EDNRA: variants seen among roughly 807,000 people sequenced by gnomAD.
The protein encoded by EDNRA is endothelin-1 receptor.
Under a neutral mutation model 41.4 loss-of-function variants are expected in EDNRA, and 11 were observed. The ratio of observed to expected loss-of-function variants is 0.27; its 90% CI spans 0.17 to 0.44. The LOEUF (loss-of-function observed/expected upper bound fraction) is 0.44. Among genes scored for constraint, EDNRA ranks in the 20% least tolerant of loss-of-function variants. The pLI is 1.00. For missense variants in EDNRA, 294 were observed against 531.0 expected (o/e 0.55, Z 4.39); for synonymous variants, 172 against 183.0 (o/e 0.94, Z 0.49).
intron 3 of EDNRA, among the ~76,000 whole-genome samples, chr4:147,527,473 T>C (rs967543060): frequency 2.0e-5 from 3 of 152,158 alleles, no homozygotes; most frequent in African/African-American, 7.2e-5. Context: ...AAATTGTGAG[T>C]CATATGATTA....
At chr4:147,528,339 T>G (rs1227241775) in intron 3 of EDNRA, among the ~76,000 whole-genome samples, 2 of 151,448 alleles carry the variant, frequency 1.3e-5, no homozygotes, top group Non-Finnish European at 2.9e-5. Context: ...TTTTTTCACT[T>G]TTTTCTTTTC....
chr4:147,509,148 G>A (rs893914095), intron 2 of EDNRA, among the ~76,000 whole-genome samples: 1 of 152,128 alleles, frequency 6.6e-6, no homozygotes, highest in Non-Finnish European at 1.5e-5. Context: ...TTCATGGCTA[G>A]TATGCAGAAA....
At chr4:147,533,367 T>G (rs1457103313) in intron 4 of EDNRA, among the ~76,000 whole-genome samples, 1 of 152,226 alleles carries the variant, frequency 6.6e-6, no homozygotes, top group Admixed American at 6.5e-5. Context: ...GGAAACCTAT[T>G]TAAAATGCAT....
At chr4:147,518,723 A>G (rs1730205838) in intron 2 of EDNRA, among the ~76,000 whole-genome samples, 1 of 152,160 alleles carries the variant, frequency 6.6e-6, no homozygotes. Context: ...AGCTTAGCTT[A>G]GAGTTACTAT....
At chr4:147,493,267 G>C (rs1183658037) in intron 2 of EDNRA, 1 of 152,072 alleles carries the variant, frequency 6.6e-6, no homozygotes, top group African/African-American at 2.4e-5. Flanking sequence ...GTATGCGTGT[G>C]TGTGCTTGTG....
At chr4:147,524,256 C>T (rs1318982140) in intron 3 of EDNRA, among the ~76,000 whole-genome samples, 1 of 152,028 alleles carries the variant, frequency 6.6e-6, no homozygotes, top group Non-Finnish European at 1.5e-5. Flanking sequence ...TCTGCCTCCT[C>T]TTTCTTCCTT....
At chr4:147,506,035 T>C in intron 2 of EDNRA, 1 of 434,230 alleles carries the variant, frequency 2.3e-6, no homozygotes, top group Non-Finnish European at 4.5e-6. Context: ...GTGAAAATTT[T>C]GTTCATGCAA....
At chr4:147,527,381 G>C (rs973292363) in intron 3 of EDNRA, among the ~76,000 whole-genome samples, 2 of 152,188 alleles carry the variant, frequency 1.3e-5, no homozygotes, top group Non-Finnish European at 1.5e-5. Flanking sequence ...TTGTTATACT[G>C]TGTAGCCATT....
At position 147,486,350 on chromosome 4, in the gene EDNRA, A is replaced by G. The variant is rs982249705; in HGVS notation, c.420+249A>G. Among the ~76,000 whole-genome samples the G allele has an allele frequency of 6.6e-6, 1 of 152,192 alleles. No individual in the cohort carries two copies. Among genetic ancestry groups the G allele is most frequent in the African/African-American group, 2.4e-5 (1 of 41,444 alleles). On this transcript the variant is annotated intron_variant, in intron 2 of 7. Coordinates refer to ENST00000651419, the MANE Select transcript of EDNRA (RefSeq NM_001957.4). This position sits in a 1 kb window ranked among gnomAD's most constrained non-coding sequence, Gnocchi z 4.3. ...TGATGGTTCAAAATCATGGTGTTTC[A>G]TGACTTGGATTCTCATGCCACCCCT...
intron 1 of EDNRA, among the ~76,000 whole-genome samples, chr4:147,483,867 A>ACGC (rs1728857876): frequency 6.6e-6 from 1 of 151,934 alleles, no homozygotes; most frequent in Non-Finnish European, 1.5e-5. Context: ...CTACAGGCAC[A>ACGC]CGCCACCATG....
At chr4:147,531,160 T>A (rs565339614) in intron 3 of EDNRA, among the ~76,000 whole-genome samples, 3 of 152,366 alleles carry the variant, frequency 2.0e-5, no homozygotes, top group South Asian at 4.1e-4. Flanking sequence ...GCATAATTTC[T>A]TATTATCAGA....
intron 1 of EDNRA, among the ~76,000 whole-genome samples, chr4:147,482,908 G>A (rs748324533): frequency 6.6e-5 from 10 of 152,180 alleles, no homozygotes; most frequent in Non-Finnish European, 8.8e-5. Flanking sequence ...GACTGTAACC[G>A]GCAGAGAGCC....
Position 147,543,490 on chromosome 4 carries a change from G to A in EDNRA, c.*872G>A, listed in dbSNP as rs1395732347. The A allele has an allele frequency of 6.6e-6, 1 of 152,122 alleles. No individual in the cohort carries two copies. Among genetic ancestry groups the A allele is most frequent in the East Asian group, 1.9e-4 (1 of 5,194 alleles). 9.4% of individuals were successfully genotyped at this position (152,122 alleles called of 1,614,324 possible). A position where few individuals can be genotyped will look rare whatever the true frequency, so the allele number is the denominator to read the frequency against. On this transcript the variant is annotated 3_prime_UTR_variant, in exon 8 of 8. Coordinates refer to ENST00000651419, the MANE Select transcript of EDNRA (RefSeq NM_001957.4). ...TCTGTTTTTCATGTAAATTTTGTATGAAAAATCAATGTCAAGTACCAAAAT... is the reference window on the plus strand; with the variant it reads ...TCTGTTTTTCATGTAAATTTTGTATAAAAAATCAATGTCAAGTACCAAAAT...
At chr4:147,526,697 A>C (rs951092132) in intron 3 of EDNRA, among the ~76,000 whole-genome samples, 8 of 152,236 alleles carry the variant, frequency 5.3e-5, no homozygotes, top group African/African-American at 1.9e-4. Flanking sequence ...GCAGTGGCTC[A>C]GCCTTAGGAG....
At chr4:147,499,111 A>G (rs1009762224) in intron 2 of EDNRA, among the ~76,000 whole-genome samples, 3 of 152,154 alleles carry the variant, frequency 2.0e-5, no homozygotes, top group African/African-American at 7.2e-5. Context: ...TCTGGAGTTC[A>G]GCGGCATAAC....
chr4:147,497,021 G>A (rs56787274), intron 2 of EDNRA, among the ~76,000 whole-genome samples: 4,102 of 151,888 alleles, frequency 0.027, 189 homozygotes, highest in African/African-American at 0.091. Context: ...TGCATACTAA[G>A]TATATCTAAA....
chr4:147,504,400 A>G (rs1185581301), intron 2 of EDNRA, among the ~76,000 whole-genome samples: 1 of 152,218 alleles, frequency 6.6e-6, no homozygotes, highest in Non-Finnish European at 1.5e-5. Context: ...TACCAATTAT[A>G]AGGATCTTCT....
In EDNRA at chr4:147,506,469, G is replaced by A. The variant is rs527986534; in HGVS notation, c.421-13382G>A. The A allele has an allele frequency of 6.2e-4, 216 of 351,212 alleles. 3 individuals are homozygous for A. The highest frequency in any genetic ancestry group is 4.1e-3 in the African/African-American group (190 of 46,456). The allele number at this position is 351,212 out of a possible 1,614,324, so 21.8% of individuals were successfully genotyped here. Reference sequence around the variant, plus strand: ...GCTATCACAACAACTGGACAAAGTTGTAACAGCCAGTTTTGAACCTGTTGC... The same window carrying A: ...GCTATCACAACAACTGGACAAAGTTATAACAGCCAGTTTTGAACCTGTTGC... On this transcript the variant is annotated intron_variant, in intron 2 of 7. Transcript: ENST00000651419.
Position 147,509,813 on chromosome 4 carries a change from C to T in EDNRA, c.421-10038C>T, listed in dbSNP as rs7684766. Among the ~76,000 whole-genome samples the T allele has an allele frequency of 3.1e-3, 474 of 152,056 alleles. 1 individual carries two copies. Among genetic ancestry groups the T allele is most frequent in the African/African-American group, 8.3e-3 (346 of 41,454 alleles). On this transcript the variant is annotated intron_variant, in intron 2 of 7. Transcript: ENST00000651419. ...TTGCAGGAAAACAAGCTGAGGGCTCCCACTGATTTTACATTATGGTGAGTT... is the reference window on the plus strand; with the variant it reads ...TTGCAGGAAAACAAGCTGAGGGCTCTCACTGATTTTACATTATGGTGAGTT...
Sources: gnomAD v4.1 joint callset for allele counts (sites outside exome capture counted in the v4.1 genomes callset) on GRCh38, gnomAD v4.1.1 for gene constraint, Gnocchi (gnomAD v3.1) non-coding constraint, MANE v1.5 for transcripts, NCBI Gene and HGNC (gene_info 2026-07-23, HGNC 2026-07-21) for gene names.